The following PPM1L variants were observed in gnomAD, a reference collection of about 807,000 sequenced individuals.
The protein encoded by PPM1L is protein phosphatase 1L.
A neutral mutation model predicts 31.4 loss-of-function variants in PPM1L; 13 were observed. The ratio of observed to expected loss-of-function variants is 0.41; its 90% CI spans 0.27 to 0.66. The LOEUF is 0.66. Among genes scored for constraint, PPM1L ranks in the 30% least tolerant of loss-of-function variants. The probability of loss-of-function intolerance (pLI) is 0.29; values close to 1 mark genes in which losing one functional copy is unlikely to be tolerated. For synonymous variants in PPM1L, 184 were observed against 175.4 expected, an observed-to-expected ratio of 1.05 and a Z score of -0.39; for missense variants, 326 against 453.7, an observed-to-expected ratio of 0.72 and a Z score of 2.56.
intron 1 of PPM1L, among the ~76,000 whole-genome samples, chr3:160,884,948 T>G (rs561727720): frequency 6.6e-6 from 1 of 152,336 alleles, no homozygotes; most frequent in South Asian, 2.1e-4. Flanking sequence ...GATCTCATAC[T>G]GACACCTCCT....
intron 1 of PPM1L, among the ~76,000 whole-genome samples, chr3:160,897,287 C>T (rs1244858771): frequency 2.0e-5 from 3 of 152,064 alleles, no homozygotes; most frequent in South Asian, 2.1e-4. Flanking sequence ...GTGATCCACC[C>T]GACTTGGCCT....
At chr3:160,799,006 A>G (rs1206150861) in intron 1 of PPM1L, among the ~76,000 whole-genome samples, 2 of 152,228 alleles carry the variant, frequency 1.3e-5, no homozygotes, top group Non-Finnish European at 2.9e-5. Context: ...AATTAGAATT[A>G]GAAGTGGAGC....
chr3:160,946,551 C>G (rs1715416688), intron 1 of PPM1L, among the ~76,000 whole-genome samples: 1 of 152,164 alleles, frequency 6.6e-6, no homozygotes. Flanking sequence ...CAGATTTCAT[C>G]TTGTGGAACT....
At chr3:160,980,531 G>C (rs151146818) in intron 2 of PPM1L, among the ~76,000 whole-genome samples, 8 of 151,836 alleles carry the variant, frequency 5.3e-5, no homozygotes, top group Non-Finnish European at 8.8e-5. Flanking sequence ...AGCTGGACAC[G>C]GTGGCATGCA....
intron 1 of PPM1L, among the ~76,000 whole-genome samples, chr3:160,770,847 G>T (rs1715233276): frequency 6.6e-6 from 1 of 152,136 alleles, no homozygotes; most frequent in Admixed American, 6.5e-5. Flanking sequence ...TAAGATCCTT[G>T]CCCTAGTTTC....
intron 1 of PPM1L, among the ~76,000 whole-genome samples, chr3:160,771,392 C>G (rs1301771639): frequency 6.6e-6 from 1 of 151,640 alleles, no homozygotes; most frequent in Non-Finnish European, 1.5e-5. Flanking sequence ...GACACACAAC[C>G]ACACCAGGCT....
intron 2 of PPM1L, among the ~76,000 whole-genome samples, chr3:160,964,872 T>C (rs1716084943): frequency 6.6e-6 from 1 of 152,024 alleles, no homozygotes; most frequent in African/African-American, 2.4e-5. Flanking sequence ...CGTTAATTAT[T>C]TCAATCAAAG....
At chr3:160,929,884 A>G (rs933446677) in intron 1 of PPM1L, among the ~76,000 whole-genome samples, 1 of 152,136 alleles carries the variant, frequency 6.6e-6, no homozygotes, top group African/African-American at 2.4e-5. Flanking sequence ...CCTCTCCTTC[A>G]GCTTCTGCTC....
chr3:160,932,279 G>C (rs1339226446), intron 1 of PPM1L, among the ~76,000 whole-genome samples: 4 of 152,214 alleles, frequency 2.6e-5, no homozygotes. Flanking sequence ...TACAGGGAAT[G>C]CTTGGCACCT....
intron 1 of PPM1L, among the ~76,000 whole-genome samples, chr3:160,868,976 A>G (rs1712199514): frequency 6.6e-6 from 1 of 152,124 alleles, no homozygotes; most frequent in South Asian, 2.1e-4. Flanking sequence ...ATTTTCAGGG[A>G]AGCCTCTTGT....
At chr3:160,943,455 A>G (rs1715224791) in intron 1 of PPM1L, among the ~76,000 whole-genome samples, 1 of 152,204 alleles carries the variant, frequency 6.6e-6, no homozygotes, top group Admixed American at 6.5e-5. Context: ...TAAATGAGGT[A>G]TTGTGGAATT....
At chr3:160,915,211 C>T (rs1714124979) in intron 1 of PPM1L, among the ~76,000 whole-genome samples, 1 of 152,164 alleles carries the variant, frequency 6.6e-6, no homozygotes, top group Admixed American at 6.5e-5. Context: ...TCAGCAAAGT[C>T]TCAGGATACA....
chr3:160,938,544 T>G (rs961513234), intron 1 of PPM1L, among the ~76,000 whole-genome samples: 1 of 152,244 alleles, frequency 6.6e-6, no homozygotes, highest in Non-Finnish European at 1.5e-5. Flanking sequence ...TTATATAGGC[T>G]TTGCAGATTC....
intron 1 of PPM1L, among the ~76,000 whole-genome samples, chr3:160,826,078 G>T (rs1337919666): frequency 6.8e-6 from 1 of 146,282 alleles, no homozygotes; most frequent in Non-Finnish European, 1.5e-5. Context: ...GTGCTGCAAG[G>T]GGATGCTAGT....
intron 1 of PPM1L, among the ~76,000 whole-genome samples, chr3:160,844,297 A>G (rs1714003359): frequency 6.6e-6 from 1 of 152,176 alleles, no homozygotes; most frequent in Non-Finnish European, 1.5e-5. Context: ...TAGCCTTCAG[A>G]CTTTCTGAGA....
chr3:160,984,010 A>G (rs1396869977), intron 2 of PPM1L, among the ~76,000 whole-genome samples: 1 of 152,208 alleles, frequency 6.6e-6, no homozygotes, highest in East Asian at 1.9e-4. Flanking sequence ...GCAAAACTAG[A>G]ATCACTAATG....
At chr3:160,968,456 G>A (rs1220209704) in intron 2 of PPM1L, among the ~76,000 whole-genome samples, 1 of 152,178 alleles carries the variant, frequency 6.6e-6, no homozygotes, top group Non-Finnish European at 1.5e-5. Context: ...TATTTATTAT[G>A]TGTCATAGTG....
chr3:161,065,314 A>T, intron 2 of PPM1L, 89 bp from the exon 3 acceptor site: 2 of 1,327,262 alleles, frequency 1.5e-6, no homozygotes, highest in Non-Finnish European at 2.1e-6. Context: ...AAGCAATTTT[A>T]ATGACTGAAG....
chr3:160,956,611 A>T (rs912105537), intron 1 of PPM1L, among the ~76,000 whole-genome samples: 6 of 152,252 alleles, frequency 3.9e-5, no homozygotes, highest in Non-Finnish European at 5.9e-5. Flanking sequence ...TCAAATGATT[A>T]TGGAGAGGAA....
Sources: gnomAD v4.1 joint callset for allele counts (sites outside exome capture counted in the v4.1 genomes callset) on GRCh38, gnomAD v4.1.1 for gene constraint, MANE v1.5 for transcripts, NCBI Gene and HGNC (gene_info 2026-07-23, HGNC 2026-07-21) for gene names.